The following NDUFV3 variants were observed in gnomAD, a reference collection of about 807,000 sequenced individuals.
NDUFV3 encodes NADH:ubiquinone oxidoreductase subunit V3.
Under a neutral mutation model 37.5 loss-of-function variants are expected in NDUFV3, and 44 were observed. The ratio of observed to expected loss-of-function variants is 1.17; its 90% confidence interval spans 0.92 to 1.51. NDUFV3 has a LOEUF of 1.51. Among genes scored for constraint, NDUFV3 ranks in the 40% most tolerant of loss-of-function variants. NDUFV3 has a pLI of 0.00. For synonymous variants in NDUFV3, 235 were observed against 239.3 expected, an observed-to-expected ratio of 0.98 and a Z score of 0.17; for missense variants, 580 against 580.4, an observed-to-expected ratio of 1.00 and a Z score of 0.01.
intron 3 of NDUFV3, among the ~76,000 whole-genome samples, chr21:42,906,499 T>C (rs1197876806): frequency 6.6e-6 from 1 of 152,188 alleles, no homozygotes; most frequent in African/African-American, 2.4e-5. Flanking sequence ...AGGAACTGCA[T>C]TTCCTGATGC....
At chr21:42,897,131 T>C (rs2058695977) in intron 2 of NDUFV3, 84 bp downstream of exon 2, 1 of 1,474,234 alleles carries the variant, frequency 6.8e-7, no homozygotes, top group South Asian at 1.2e-5. Context: ...ACAGTGAGTT[T>C]TACTAGCTAC....
At position 42,904,219 on chromosome 21, in the gene NDUFV3, G is replaced by A. The variant is rs61746238; in HGVS notation, c.1207G>A (p.Glu403Lys). 0.015 allele frequency: 24,530 copies of A among 1,613,292 alleles called. 232 individuals carry two copies. The highest frequency in any genetic ancestry group is 0.018 in the Non-Finnish European group (21,082 of 1,179,642). The change falls in exon 3 of 4, where the codon GAG (glutamate) becomes AAG (lysine). Residue 403 changes from glutamate to lysine, a missense_variant. Transcript: ENST00000354250. Reference sequence around the variant, plus strand: ...GACAGCAGCGCTGAAGCTTGAGGCCGAGGGCGAGGCCATGGAAGATGCAGC... The same window carrying A: ...GACAGCAGCGCTGAAGCTTGAGGCCAAGGGCGAGGCCATGGAAGATGCAGC... ...EKTAALKLEA[E>K]GEAMEDAAAP...
At chr21:42,907,710 C>CA (rs2058748156) in intron 3 of NDUFV3, among the ~76,000 whole-genome samples, 1 of 152,082 alleles carries the variant, frequency 6.6e-6, no homozygotes, top group Non-Finnish European at 1.5e-5. Context: ...CTCAGCCTCT[C>CA]AAAGTGCTAG....
At chr21:42,894,499 T>TATATC (rs1568854346) in intron 1 of NDUFV3, among the ~76,000 whole-genome samples, 1 of 84,170 alleles carries the variant, frequency 1.2e-5, no homozygotes, top group East Asian at 2.3e-4. Flanking sequence ...TTATATAATA[T>TATATC]ATAATATATA....
intron 3 of NDUFV3, 25 bp from the exon 4 acceptor site, chr21:42,908,839 C>T: frequency 6.2e-7 from 1 of 1,614,166 alleles, no homozygotes; most frequent in East Asian, 2.2e-5. Context: ...GTGTTGGTCT[C>T]ATGGGCATCG....
chr21:42,893,486 T>C lies in NDUFV3; in HGVS notation c.48+105T>C, dbSNP rs1601208716. ...CAGGTCCGGGCCTGTCCGCGACCTC[T>C]AGCCGTCCTAGTTGGGCCGCTGACC... On this transcript the variant is annotated intron_variant, in intron 1 of 3. Transcript: ENST00000354250. 3 of 1,329,052 alleles carry C rather than the reference T, an allele frequency of 2.3e-6. No individual in the cohort carries two copies. In the East Asian group the frequency reaches 7.6e-5, roughly 34 times the overall value. The allele number at this position is 1,329,052 out of a possible 1,614,324, so 82.3% of individuals were successfully genotyped here.
At position 42,903,972 on chromosome 21, in the gene NDUFV3, G is replaced by T; in HGVS notation, c.960G>T (p.Gly320=). Residue 320 remains glycine (G), a synonymous_variant, in exon 3 of 4, where the codon GGG becomes GGT. Coordinates refer to ENST00000354250, the MANE Select transcript of NDUFV3 (RefSeq NM_021075.4). ...AVLAEEARAE[G]QLQASPPGAA... ...TGGCAGAAGAGGCCAGAGCAGAGGG[G>T]CAGCTGCAAGCCAGTCCTCCTGGGG... is the stretch of plus-strand genomic sequence containing the variant. 1 of 1,614,058 alleles carries T rather than the reference G, an allele frequency of 6.2e-7. No individual in the cohort carries two copies. The highest frequency in any genetic ancestry group is 1.6e-4 in the Middle Eastern group (1 of 6,062).
At chr21:42,893,787 A>G (rs1007806906) in intron 1 of NDUFV3, among the ~76,000 whole-genome samples, 2 of 152,260 alleles carry the variant, frequency 1.3e-5, no homozygotes, top group Non-Finnish European at 2.9e-5. Context: ...CATTTAGCCA[A>G]GAGAGGAAAT....
In NDUFV3 at chr21:42,903,580, G is replaced by T. The variant is rs756757084; in HGVS notation, c.568G>T (p.Ala190Ser). 5 of 1,613,792 alleles carry T rather than the reference G, an allele frequency of 3.1e-6. No individual in the cohort carries two copies. In the African/African-American group the frequency reaches 6.7e-5, roughly 22 times the overall value. Residue 190 changes from alanine to serine, a missense_variant, in exon 3 of 4, where the codon GCC becomes TCC. Coordinates refer to ENST00000354250, the MANE Select transcript of NDUFV3 (RefSeq NM_021075.4). ...CAGAGGGGGGCTTCGAAAACCAGAGGCCTCTCATTCCTTTGAAAACAGAGC... is the reference window on the plus strand; with the variant it reads ...CAGAGGGGGGCTTCGAAAACCAGAGTCCTCTCATTCCTTTGAAAACAGAGC... ...KGRGGLRKPE[A>S]SHSFENRAPR...
chr21:42,893,488 G>A (rs2058667008), intron 1 of NDUFV3, 107 bp downstream of exon 1: 1 of 1,335,102 alleles, frequency 7.5e-7, no homozygotes, highest in African/African-American at 1.5e-5. Flanking sequence ...GCGACCTCTA[G>A]CCGTCCTAGT....
intron 2 of NDUFV3, among the ~76,000 whole-genome samples, chr21:42,900,787 G>A (rs559424761): frequency 1.4e-4 from 21 of 152,238 alleles, no homozygotes; most frequent in African/African-American, 4.6e-4. Context: ...AGACCCTGGC[G>A]CGATGGGACA....
chr21:42,907,124 G>A (rs1465334755), intron 3 of NDUFV3, among the ~76,000 whole-genome samples: 1 of 152,160 alleles, frequency 6.6e-6, no homozygotes, highest in Non-Finnish European at 1.5e-5. Flanking sequence ...TTGCCATTAT[G>A]TTATATTGTG....
Position 42,908,871 on chromosome 21 carries a change from C to T in NDUFV3, c.1272C>T (p.Ala424=), listed in dbSNP as rs770371617. The T allele has an allele frequency of 3.7e-6, 6 of 1,614,036 alleles. No homozygotes were observed. Among genetic ancestry groups the T allele is most frequent in the Non-Finnish European group, 5.1e-6 (6 of 1,180,036 alleles). The change falls in exon 4 of 4, where the codon GCC becomes GCT. Residue 424 remains alanine (A), a synonymous_variant. Transcript: ENST00000354250. ...ATCGTGTTTCCTCCGCAGAGCCAGC[C>T]CCAGTGCCTGCTGAGCCGTTTGACA... ...GDDRGGTQEP[A]PVPAEPFDNT...
Position 42,893,444 on chromosome 21 carries a change from G to C in NDUFV3, c.48+63G>C, listed in dbSNP as rs2058666676. ...CGAGCCTACGTAGGGGATGGGGTGAGGGGGCGCGGTGCTGGTCAGGTCCGG... is the reference window on the plus strand; with the variant it reads ...CGAGCCTACGTAGGGGATGGGGTGACGGGGCGCGGTGCTGGTCAGGTCCGG... On this transcript the variant is annotated intron_variant, in intron 1 of 3. Coordinates refer to ENST00000354250, the MANE Select transcript of NDUFV3 (RefSeq NM_021075.4). 4 of 1,521,992 alleles carry C rather than the reference G, an allele frequency of 2.6e-6. No individual in the cohort carries two copies. In the East Asian group the frequency reaches 7.3e-5, roughly 28 times the overall value. 94.3% of individuals were successfully genotyped at this position (1,521,992 alleles called of 1,614,324 possible). A position where few individuals can be genotyped will look rare whatever the true frequency, so the allele number is the denominator to read the frequency against.
chr21:42,896,916 T>C lies in NDUFV3; in HGVS notation c.49-11T>C, dbSNP rs781245520. The stretch of plus-strand genomic sequence containing the variant: ...ACTCTAAACATCCATATTCATTAAT[T>C]CTTTTGTCAGACTATGCTCCAGGAA... On this transcript the variant is annotated splice_polypyrimidine_tract_variant and intron_variant, in intron 1 of 3. Coordinates refer to ENST00000354250, the MANE Select transcript of NDUFV3 (RefSeq NM_021075.4). 53 of 1,609,868 alleles carry C rather than the reference T, an allele frequency of 3.3e-5. No homozygotes were observed. Among genetic ancestry groups the C allele is most frequent in the Non-Finnish European group, 4.4e-5 (52 of 1,176,390 alleles).
chr21:42,907,168 C>T (rs1377743083), intron 3 of NDUFV3, among the ~76,000 whole-genome samples: 1 of 152,140 alleles, frequency 6.6e-6, no homozygotes, highest in Non-Finnish European at 1.5e-5. Flanking sequence ...CTTCTTTTGC[C>T]TCAACCCCTA....
intron 1 of NDUFV3, among the ~76,000 whole-genome samples, chr21:42,895,093 C>T (rs1780724113): frequency 6.6e-6 from 1 of 152,108 alleles, no homozygotes; most frequent in African/African-American, 2.4e-5. Flanking sequence ...GCAGGTGGCT[C>T]ATGCCTGTAA....
At chr21:42,903,054 G>A in intron 2 of NDUFV3, 128 bp from the exon 3 acceptor site, 1 of 1,298,460 alleles carries the variant, frequency 7.7e-7, no homozygotes, top group Non-Finnish European at 1.1e-6. Flanking sequence ...GTTTCTATGG[G>A]ACCTGTCTTA....
Position 42,897,285 on chromosome 21 carries a change from A to C in NDUFV3, c.169+238A>C, listed in dbSNP as rs561194091. ...GAAATGGTTTTTCCTGTATTTTCTA[A>C]ATGCCAAACCCCAACCTGAAGTGAG... is the stretch of plus-strand genomic sequence containing the variant. On this transcript the variant is annotated intron_variant, in intron 2 of 3. Transcript: ENST00000354250. Among the ~76,000 whole-genome samples the C allele has an allele frequency of 6.6e-5, 10 of 152,286 alleles. 1 individual carries two copies. In the East Asian group the frequency reaches 1.9e-3, roughly 29 times the overall value.
Sources: gnomAD v4.1 joint callset for allele counts (sites outside exome capture counted in the v4.1 genomes callset) on GRCh38, gnomAD v4.1.1 for gene constraint, MANE v1.5 for transcripts, NCBI Gene and HGNC (gene_info 2026-07-23, HGNC 2026-07-21) for gene names.